Variants in ERBB4 observed in about 807,000 individuals in gnomAD.
The protein encoded by ERBB4 is receptor tyrosine-protein kinase erbB-4.
ERBB4 carries 42 observed loss-of-function variants against 158.0 expected under a neutral mutation model. The ratio of observed to expected loss-of-function variants is 0.27; its 90% CI spans 0.21 to 0.34. The LOEUF (loss-of-function observed/expected upper bound fraction) is 0.34, where lower values mean the gene tolerates loss of function less well. ERBB4 is among the 10% of genes least tolerant of loss of function. The probability of loss-of-function intolerance (pLI) is 1.00; values close to 1 mark genes in which losing one functional copy is unlikely to be tolerated. For missense variants in ERBB4, 1,333 were observed against 1,624.1 expected (o/e 0.82, Z 3.08); for synonymous variants, 583 against 558.7 (o/e 1.04, Z -0.61).
intron 1 of ERBB4, among the ~76,000 whole-genome samples, chr2:212,515,522 A>T (rs1691774302): frequency 6.6e-6 from 1 of 152,014 alleles, no homozygotes; most frequent in Non-Finnish European, 1.5e-5. Context: ...TTTTAAAATC[A>T]ATTAAATTAA....
At chr2:211,555,161 A>T (rs965006966) in intron 20 of ERBB4, among the ~76,000 whole-genome samples, 2 of 152,182 alleles carry the variant, frequency 1.3e-5, no homozygotes, top group African/African-American at 4.8e-5. Flanking sequence ...TATAAGAAAC[A>T]AACAATTTTG....
At chr2:212,089,366 T>C (rs1413991550) in intron 2 of ERBB4, among the ~76,000 whole-genome samples, 2 of 152,148 alleles carry the variant, frequency 1.3e-5, no homozygotes, top group Non-Finnish European at 2.9e-5. Context: ...CCTGGCTGAA[T>C]TGCACATTTT....
intron 25 of ERBB4, among the ~76,000 whole-genome samples, chr2:211,400,524 C>T (rs547703928): frequency 3.3e-5 from 5 of 151,948 alleles, no homozygotes; most frequent in Non-Finnish European, 5.9e-5. Flanking sequence ...AAGCCAGGCA[C>T]AGAAGACAAA....
intron 2 of ERBB4, among the ~76,000 whole-genome samples, chr2:212,110,529 T>C (rs1199171754): frequency 6.6e-6 from 1 of 152,202 alleles, no homozygotes; most frequent in African/African-American, 2.4e-5. Context: ...ACCGCCTCAC[T>C]GAAATAGATG....
At chr2:212,062,399 C>CTTTTTTTTTTTT (rs199535512) in intron 2 of ERBB4, among the ~76,000 whole-genome samples, 2 of 81,300 alleles carry the variant, frequency 2.5e-5, no homozygotes, top group African/African-American at 8.6e-5. Context: ...CTTGTCAATT[C>CTTTTTTTTTTTT]TTTTTTTTTT....
intron 1 of ERBB4, among the ~76,000 whole-genome samples, chr2:212,354,636 G>T (rs565104616): frequency 6.6e-6 from 1 of 152,192 alleles, no homozygotes; most frequent in Non-Finnish European, 1.5e-5. Context: ...TTCCAAATCT[G>T]TTTACAGACA....
At chr2:211,665,243 A>G (rs1281713087) in intron 15 of ERBB4, 80 bp downstream of exon 15, 19 of 1,374,480 alleles carry the variant, frequency 1.4e-5, no homozygotes, top group Non-Finnish European at 2.0e-5. Context: ...AATGGTATAC[A>G]TTTCAGAGAT....
intron 4 of ERBB4, among the ~76,000 whole-genome samples, chr2:211,767,161 T>G (rs2075570329): frequency 6.6e-6 from 1 of 152,224 alleles, no homozygotes; most frequent in Admixed American, 6.5e-5. Context: ...TGCTTTTATT[T>G]TATTGCTTTG....
chr2:211,472,020 T>A (rs1380443474), intron 20 of ERBB4, among the ~76,000 whole-genome samples: 1 of 152,082 alleles, frequency 6.6e-6, no homozygotes, highest in East Asian at 1.9e-4. Context: ...GTAGGCTTCA[T>A]GCTGTGGAGA....
At chr2:211,842,796 A>C (rs2077503459) in intron 3 of ERBB4, among the ~76,000 whole-genome samples, 1 of 152,136 alleles carries the variant, frequency 6.6e-6, no homozygotes, top group South Asian at 2.1e-4. Context: ...AATCCTTTCA[A>C]CACAGGGGTC....
At chr2:211,924,248 G>T (rs1575384422) in intron 3 of ERBB4, among the ~76,000 whole-genome samples, 3 of 152,268 alleles carry the variant, frequency 2.0e-5, no homozygotes, top group Admixed American at 1.3e-4. Context: ...TTGCAACCTA[G>T]TAGTTTTCCA....
intron 1 of ERBB4, among the ~76,000 whole-genome samples, chr2:212,432,294 C>G (rs1025330905): frequency 3.3e-5 from 5 of 152,040 alleles, no homozygotes; most frequent in Non-Finnish European, 4.4e-5. Flanking sequence ...TTGTAAATGC[C>G]TTTTCTTCCA....
At chr2:211,963,359 A>G (rs888898813) in intron 2 of ERBB4, among the ~76,000 whole-genome samples, 1 of 152,154 alleles carries the variant, frequency 6.6e-6, no homozygotes, top group East Asian at 1.9e-4. Flanking sequence ...TTGACTTATT[A>G]ATTTGAGGCA....
intron 19 of ERBB4, among the ~76,000 whole-genome samples, chr2:211,562,370 A>G (rs902070803): frequency 1.3e-5 from 2 of 152,232 alleles, no homozygotes; most frequent in Non-Finnish European, 2.9e-5. Flanking sequence ...TAATATGAGC[A>G]ATATGAGATT....
intron 1 of ERBB4, among the ~76,000 whole-genome samples, chr2:212,241,178 G>A (rs1040616012): frequency 1.3e-5 from 2 of 152,044 alleles, no homozygotes; most frequent in Non-Finnish European, 2.9e-5. Flanking sequence ...GTTCGCTTGA[G>A]CCCAGGAGGT....
intron 9 of ERBB4, among the ~76,000 whole-genome samples, chr2:211,705,618 C>T (rs1223783637): frequency 6.6e-6 from 1 of 152,134 alleles, no homozygotes; most frequent in Non-Finnish European, 1.5e-5. Context: ...TATTCCAGAT[C>T]TATAAGATTA....
chr2:211,645,757 T>G (rs987990731), intron 16 of ERBB4, among the ~76,000 whole-genome samples: 7 of 151,902 alleles, frequency 4.6e-5, no homozygotes, highest in African/African-American at 1.4e-4. Context: ...TATTTTATAA[T>G]GACACTATAA....
chr2:211,527,564 T>G (rs2066382852), intron 20 of ERBB4, among the ~76,000 whole-genome samples: 1 of 152,018 alleles, frequency 6.6e-6, no homozygotes, highest in African/African-American at 2.4e-5. Flanking sequence ...AGTATAACAC[T>G]GTAACTCTGT....
intron 1 of ERBB4, among the ~76,000 whole-genome samples, chr2:212,420,353 G>A (rs1361081642): frequency 6.6e-6 from 1 of 151,954 alleles, no homozygotes; most frequent in Non-Finnish European, 1.5e-5. Context: ...GAATGGCCCC[G>A]CCATACAAAT....
Sources: gnomAD v4.1 joint callset for allele counts (sites outside exome capture counted in the v4.1 genomes callset) on GRCh38, gnomAD v4.1.1 for gene constraint, MANE v1.5 for transcripts, NCBI Gene and HGNC (gene_info 2026-07-23, HGNC 2026-07-21) for gene names.